LNX2: variants seen among roughly 807,000 people sequenced by gnomAD.
LNX2 encodes ligand of Numb protein X 2.
In LNX2, 35 loss-of-function variants were observed where a neutral mutation model predicts 66.2. That is an observed-to-expected ratio of 0.53 (90% CI 0.40 to 0.70). The LOEUF (loss-of-function observed/expected upper bound fraction) is 0.70, where lower values mean the gene tolerates loss of function less well. LNX2 is among the 30% of genes least tolerant of loss of function. The pLI is 0.00. For missense variants in LNX2, 791 were observed against 850.8 expected (o/e 0.93, Z 0.87); for synonymous variants, 337 against 315.6 (o/e 1.07, Z -0.72).
At chr13:27,609,210 T>C (rs1195427532) in intron 1 of LNX2, among the ~76,000 whole-genome samples, 1 of 149,808 alleles carries the variant, frequency 6.7e-6, no homozygotes, top group African/African-American at 2.5e-5. Context: ...TGGAGTAGAG[T>C]GGCACGATCT....
intron 2 of LNX2, among the ~76,000 whole-genome samples, chr13:27,579,512 A>G (rs978838483): frequency 6.6e-6 from 1 of 152,208 alleles, no homozygotes; most frequent in African/African-American, 2.4e-5. Context: ...ACCAACATGT[A>G]AATGAAAAGG....
At chr13:27,568,901 GTTTCT>G (rs1266585266) in intron 3 of LNX2, 123 bp downstream of exon 3, 10 of 986,282 alleles carry the variant, frequency 1.0e-5, no homozygotes, top group Non-Finnish European at 1.4e-5. Flanking sequence ...TCTCAATGAA[GTTTCT>G]TTTATTTCTG....
intron 2 of LNX2, among the ~76,000 whole-genome samples, chr13:27,570,350 A>G (rs534031946): frequency 6.6e-6 from 1 of 152,362 alleles, no homozygotes; most frequent in South Asian, 2.1e-4. Context: ...TTCTAACACA[A>G]CACAGAATTA....
At chr13:27,593,563 CTTTTTTT>C (rs35280780) in intron 1 of LNX2, among the ~76,000 whole-genome samples, 257 of 115,562 alleles carry the variant, frequency 2.2e-3, no homozygotes, top group African/African-American at 6.7e-3. Flanking sequence ...CTGGCTGAAA[CTTTTTTT>C]TTTTTTTTTT....
At chr13:27,597,268 T>G (rs1355757688) in intron 1 of LNX2, among the ~76,000 whole-genome samples, 1 of 152,150 alleles carries the variant, frequency 6.6e-6, no homozygotes, top group African/African-American at 2.4e-5. Context: ...GAGGCAGACA[T>G]CCAATATAAG....
chr13:27,615,963 C>T (rs557314948), intron 1 of LNX2, among the ~76,000 whole-genome samples: 2 of 152,120 alleles, frequency 1.3e-5, no homozygotes, highest in Non-Finnish European at 2.9e-5. Context: ...TCAAACTCTG[C>T]AACATATTTG....
chr13:27,575,268 C>T (rs1436271730), intron 2 of LNX2, among the ~76,000 whole-genome samples: 1 of 152,124 alleles, frequency 6.6e-6, no homozygotes, highest in African/African-American at 2.4e-5. Flanking sequence ...ATAATAATAG[C>T]ACACAGGAGG....
Position 27,556,313 on chromosome 13 carries a change from T to C in LNX2, c.1469A>G (p.Lys490Arg). Residue 490 changes from lysine to arginine, a missense_variant, in exon 7 of 10, where the codon AAG becomes AGG. Physicochemically the swap from Lys to Arg is conservative, Grantham distance 26 (BLOSUM62 2). Transcript: ENST00000316334. ...GMTVAGGRGS[K>R]SGELPIFVTS... ...CACAAAGATGGGCAGCTCACCACTC[T>C]TACTTCCCCTGCCCCCAGCAACGGT... 6.2e-7 allele frequency: 1 copy of C among 1,614,062 alleles called. No homozygotes were observed. Among genetic ancestry groups the C allele is most frequent in the Non-Finnish European group, 8.5e-7 (1 of 1,179,954 alleles).
chr13:27,610,806 T>C (rs1360412643), intron 1 of LNX2, among the ~76,000 whole-genome samples: 1 of 152,064 alleles, frequency 6.6e-6, no homozygotes, highest in Non-Finnish European at 1.5e-5. Context: ...GCCAAGGATG[T>C]GAACAGACAT....
At chr13:27,590,382 C>T (rs571254202) in intron 1 of LNX2, among the ~76,000 whole-genome samples, 22 of 152,182 alleles carry the variant, frequency 1.4e-4, no homozygotes, top group African/African-American at 5.1e-4. Flanking sequence ...CCATGCGTGG[C>T]TAATTTTTAT....
chr13:27,583,122 C>T (rs1312191893), intron 1 of LNX2, among the ~76,000 whole-genome samples: 1 of 150,194 alleles, frequency 6.7e-6, no homozygotes, highest in African/African-American at 2.5e-5. Context: ...TCAATTTCAC[C>T]TCATAGTATT....
chr13:27,611,387 C>T (rs373300009), intron 1 of LNX2, among the ~76,000 whole-genome samples: 11 of 152,114 alleles, frequency 7.2e-5, no homozygotes, highest in South Asian at 2.1e-4. Context: ...CATTTACATG[C>T]GGTATCTAAA....
intron 7 of LNX2, 133 bp downstream of exon 7, chr13:27,556,103 A>C: frequency 8.6e-6 from 7 of 818,650 alleles, no homozygotes; most frequent in Non-Finnish European, 1.3e-5. Context: ...TTATGCTTCC[A>C]TATGCAAGGG....
chr13:27,617,671 A>C (rs1955842015), intron 1 of LNX2, among the ~76,000 whole-genome samples: 1 of 152,152 alleles, frequency 6.6e-6, no homozygotes, highest in African/African-American at 2.4e-5. Context: ...TCTCTCATAA[A>C]GCTTACCATA....
chr13:27,581,605 T>C lies in LNX2; in HGVS notation c.99A>G (p.Arg33=). The C allele has an allele frequency of 6.2e-7, 1 of 1,614,200 alleles. No homozygotes were observed. Among genetic ancestry groups the C allele is most frequent in the Non-Finnish European group, 8.5e-7 (1 of 1,180,026 alleles). Residue 33 remains arginine (R), a synonymous_variant, in exon 2 of 10, where the codon AGA becomes AGG. Transcript: ENST00000316334. Reference sequence around the variant, plus strand: ...TCTGGTAATTGTACAAATGGTTTTCTCTTGTCCAGTGCTGTTGGCCACATT... The same window carrying C: ...TCTGGTAATTGTACAAATGGTTTTCCCTTGTCCAGTGCTGTTGGCCACATT... ...CFECGQQHWT[R]ENHLYNYQNE...
Position 27,583,240 on chromosome 13 carries a change from G to GTCCTCTCCAATATAAC in LNX2, c.-100-1438_-100-1437insGTTATATTGGAGAGGA, listed in dbSNP as rs1955435678. On this transcript the variant is annotated intron_variant, in intron 1 of 9. Transcript: ENST00000316334. ...TGTGTGTGTGTGTGTGTGTGTGTGT[G>GTCCTCTCCAATATAAC]TGTGTGTGTGTGTGTGCGCGCGTCC... Among the ~76,000 whole-genome samples, 6 of 22,658 alleles carry GTCCTCTCCAATATAAC rather than the reference G, an allele frequency of 2.6e-4. 1 individual carries two copies. Among genetic ancestry groups the GTCCTCTCCAATATAAC allele is most frequent in the Non-Finnish European group, 4.0e-4 (5 of 12,420 alleles). The allele number at this position is 22,658 out of a possible 152,430, so 14.9% of individuals were successfully genotyped here.
At chr13:27,560,058 A>C (rs557372618) in intron 5 of LNX2, 73 bp from the exon 6 acceptor site, 1 of 1,332,992 alleles carries the variant, frequency 7.5e-7, no homozygotes, top group Admixed American at 2.4e-5. Context: ...ACACAGTGTA[A>C]TTTTCAATGA....
At chr13:27,563,733 T>A (rs1955170355) in intron 4 of LNX2, among the ~76,000 whole-genome samples, 1 of 152,188 alleles carries the variant, frequency 6.6e-6, no homozygotes, top group African/African-American at 2.4e-5. Flanking sequence ...AATTCTTACA[T>A]CTTTTTCACA....
chr13:27,566,667 A>C (rs1308773762), intron 4 of LNX2, among the ~76,000 whole-genome samples: 1 of 152,126 alleles, frequency 6.6e-6, no homozygotes, highest in Non-Finnish European at 1.5e-5. Context: ...TAAATTAGAT[A>C]TGAAGAAGAG....
Sources: gnomAD v4.1 joint callset for allele counts (sites outside exome capture counted in the v4.1 genomes callset) on GRCh38, gnomAD v4.1.1 for gene constraint, MANE v1.5 for transcripts, NCBI Gene and HGNC (gene_info 2026-07-23, HGNC 2026-07-21) for gene names.